LINGO1: variants seen among roughly 807,000 people sequenced by gnomAD.
The protein encoded by LINGO1 is leucine-rich repeat and immunoglobulin-like domain-containing nogo receptor-interacting protein 1.
LINGO1 carries 11 observed loss-of-function variants against 37.3 expected under a neutral mutation model. The ratio of observed to expected loss-of-function variants is 0.29; its 90% confidence interval spans 0.19 to 0.49. The LOEUF (loss-of-function observed/expected upper bound fraction) is 0.49. Ranked by LOEUF, LINGO1 falls within the 20% of genes least tolerant of loss-of-function variation. The pLI is 0.99. For synonymous variants in LINGO1, 387 were observed against 403.0 expected (o/e 0.96, Z 0.48); for missense variants, 585 against 878.2 (o/e 0.67, Z 4.22).
chr15:77,645,191 G>A (rs1381715196), intron 3 of LINGO1, among the ~76,000 whole-genome samples: 1 of 152,198 alleles, frequency 6.6e-6, no homozygotes, highest in African/African-American at 2.4e-5. Context: ...AGAACGGGCG[G>A]TGCAGGGAGC....
At chr15:77,766,311 A>C (rs1287652345) in intron 1 of LINGO1, among the ~76,000 whole-genome samples, 20 of 151,120 alleles carry the variant, frequency 1.3e-4, no homozygotes, top group Non-Finnish European at 2.8e-4. Context: ...AAAAAAAAAA[A>C]AAAAAACACA....
chr15:77,759,651 T>A (rs1031296378), intron 1 of LINGO1, among the ~76,000 whole-genome samples: 3 of 152,206 alleles, frequency 2.0e-5, no homozygotes, highest in Non-Finnish European at 4.4e-5. Context: ...AAGAAGTATT[T>A]GTCTCATGCC....
chr15:77,764,991 A>T (rs1474762829), intron 1 of LINGO1, among the ~76,000 whole-genome samples: 2 of 152,098 alleles, frequency 1.3e-5, no homozygotes, highest in Non-Finnish European at 2.9e-5. Context: ...TCCTTCCAAA[A>T]CCCCATCACA....
intron 3 of LINGO1, among the ~76,000 whole-genome samples, chr15:77,665,915 C>A (rs2141187300): frequency 6.6e-6 from 1 of 152,332 alleles, no homozygotes; most frequent in African/African-American, 2.4e-5. Context: ...TCCCCCATCC[C>A]AGCCACCCCC....
intron 1 of LINGO1, among the ~76,000 whole-genome samples, chr15:77,797,383 C>T (rs1252422261): frequency 1.3e-5 from 2 of 152,156 alleles, no homozygotes; most frequent in African/African-American, 4.8e-5. Context: ...TTTTCATTTT[C>T]ATAGCTACGT....
chr15:77,725,810 C>T (rs961631970), intron 2 of LINGO1, among the ~76,000 whole-genome samples: 2 of 152,152 alleles, frequency 1.3e-5, no homozygotes, highest in Non-Finnish European at 2.9e-5. Context: ...TTGGAAAATT[C>T]CTGAATATGT....
chr15:77,619,229 AG>A lies in LINGO1; in HGVS notation c.7-3330del, dbSNP rs2073842939. On this transcript the variant is annotated intron_variant, in intron 1 of 1. Coordinates refer to ENST00000355300, the MANE Select transcript of LINGO1 (RefSeq NM_032808.7). ...GGCAGAGAGTATGTCTGTAGCTCAG[AG>A]TGAAGTGTGACACAGAACAGACCCC... 3.9e-5 allele frequency among the ~76,000 whole-genome samples: 6 copies of A among 152,264 alleles called. No homozygotes were observed. In the South Asian group the frequency reaches 1.2e-3, roughly 32 times the overall value.
intron 1 of LINGO1, among the ~76,000 whole-genome samples, chr15:77,818,779 C>T (rs559663613): frequency 6.6e-6 from 1 of 152,002 alleles, no homozygotes; most frequent in East Asian, 2.0e-4. Flanking sequence ...GCGCCCGGAG[C>T]GGCTCCAGCG....
intron 1 of LINGO1, among the ~76,000 whole-genome samples, chr15:77,629,183 T>G (rs1361426376): frequency 6.6e-6 from 1 of 152,174 alleles, no homozygotes; most frequent in Non-Finnish European, 1.5e-5. Context: ...TCCACATTCT[T>G]AACAACTTCA....
chr15:77,757,894 C>T (rs962769945), intron 1 of LINGO1, among the ~76,000 whole-genome samples: 45 of 152,354 alleles, frequency 3.0e-4, no homozygotes, highest in African/African-American at 9.1e-4. Context: ...CAGACCTGCT[C>T]GTTAATCACC....
At chr15:77,688,084 G>A (rs1157218180) in intron 2 of LINGO1, among the ~76,000 whole-genome samples, 1 of 152,204 alleles carries the variant, frequency 6.6e-6, no homozygotes, top group East Asian at 1.9e-4. Context: ...CTGGCCCCGG[G>A]TGACCCAGGT....
Position 77,749,719 on chromosome 15 carries a change from C to T in LINGO1, c.-256-14666G>A, listed in dbSNP as rs868523205. Reference sequence around the variant, plus strand: ...CCTCCAACCCAACTCAGCCCTCCAGCTCTCCTAAGGGGTTATCCTCAAATA... The same window carrying T: ...CCTCCAACCCAACTCAGCCCTCCAGTTCTCCTAAGGGGTTATCCTCAAATA... On this transcript the variant is annotated intron_variant, in intron 1 of 3. Coordinates refer to the LINGO1 transcript ENST00000561686. 1.6e-4 allele frequency among the ~76,000 whole-genome samples: 24 copies of T among 152,374 alleles called. No homozygotes were observed. In the Middle Eastern group the frequency reaches 0.01, roughly 65 times the overall value.
intron 2 of LINGO1, among the ~76,000 whole-genome samples, chr15:77,682,800 C>T (rs559681911): frequency 2.0e-5 from 3 of 152,262 alleles, no homozygotes; most frequent in Non-Finnish European, 4.4e-5. Context: ...ATGACCTCAT[C>T]CCCGCTCCAC....
chr15:77,725,278 G>A (rs1416161263), intron 2 of LINGO1, among the ~76,000 whole-genome samples: 1 of 152,228 alleles, frequency 6.6e-6, no homozygotes, highest in East Asian at 1.9e-4. Context: ...CACCTTGGCT[G>A]GGCGAGGTGG....
intron 3 of LINGO1, among the ~76,000 whole-genome samples, chr15:77,655,513 T>TC (rs1386404236): frequency 6.6e-6 from 1 of 151,896 alleles, no homozygotes; most frequent in Non-Finnish European, 1.5e-5. Context: ...ATCCGTTTGC[T>TC]CCTCCCTGTG....
At chr15:77,705,201 A>ACACACACACACACACACACACACACACC (rs1362157964) in intron 2 of LINGO1, among the ~76,000 whole-genome samples, 1 of 149,830 alleles carries the variant, frequency 6.7e-6, no homozygotes, top group Non-Finnish European at 1.5e-5. Flanking sequence ...ACACACACAC[A>ACACACACACACACACACACACACACACC]CACACCAGTC....
intron 1 of LINGO1, among the ~76,000 whole-genome samples, chr15:77,754,427 C>T (rs915704887): frequency 3.3e-5 from 5 of 152,166 alleles, no homozygotes; most frequent in South Asian, 2.1e-4. Context: ...ATAATTTCTC[C>T]GGCAGAAACT....
At chr15:77,794,590 A>AT (rs370121489) in intron 2 of LINGO1, among the ~76,000 whole-genome samples, 7,099 of 93,458 alleles carry the variant, frequency 0.076, 564 homozygotes, top group East Asian at 0.15. Context: ...ATATATATAT[A>AT]TTTTTTTTTT....
chr15:77,635,471 T>C (rs1189401524), upstream of LINGO1, among the ~76,000 whole-genome samples: 1 of 152,054 alleles, frequency 6.6e-6, no homozygotes, highest in Non-Finnish European at 1.5e-5. Flanking sequence ...TCCTCTCCTG[T>C]CGGGTGGGGT....
Sources: allele counts gnomAD v4.1 joint callset (sites outside exome capture counted in the v4.1 genomes callset), GRCh38; gene constraint gnomAD v4.1.1; transcripts MANE v1.5; gene names NCBI Gene and HGNC (gene_info 2026-07-23, HGNC 2026-07-21).